The following RNF150 variants were observed in gnomAD, a reference collection of about 807,000 sequenced individuals.
RNF150 encodes ring finger protein 150.
A neutral mutation model predicts 39.3 loss-of-function variants in RNF150; 24 were observed. That is an observed-to-expected ratio of 0.61 (90% CI 0.44 to 0.86). RNF150 has a LOEUF of 0.86. Ranked by LOEUF, RNF150 falls within the 40% of genes least tolerant of loss-of-function variation. RNF150 has a pLI of 0.00. For missense variants in RNF150, 502 were observed against 587.8 expected, an observed-to-expected ratio of 0.85 and a Z score of 1.51; for synonymous variants, 255 against 227.3, an observed-to-expected ratio of 1.12 and a Z score of -1.10.
intron 1 of RNF150, among the ~76,000 whole-genome samples, chr4:141,006,173 T>C (rs1211428115): frequency 6.6e-6 from 1 of 151,806 alleles, no homozygotes; most frequent in Non-Finnish European, 1.5e-5. Context: ...TTTTAAAAGC[T>C]AGAATGAAGA....
At chr4:141,048,021 T>C (rs915437692) in intron 1 of RNF150, among the ~76,000 whole-genome samples, 6 of 152,072 alleles carry the variant, frequency 3.9e-5, no homozygotes, top group African/African-American at 1.4e-4. Context: ...TACCATGGCA[T>C]TATGGAGAGA....
intron 4 of RNF150, among the ~76,000 whole-genome samples, chr4:140,937,810 T>A (rs1731916073): frequency 6.6e-6 from 1 of 152,120 alleles, no homozygotes; most frequent in Non-Finnish European, 1.5e-5. Context: ...AGTGAAACCT[T>A]GAAAGTTATT....
At chr4:140,976,267 C>A (rs1733661305) in intron 1 of RNF150, among the ~76,000 whole-genome samples, 1 of 152,050 alleles carries the variant, frequency 6.6e-6, no homozygotes, top group African/African-American at 2.4e-5. Flanking sequence ...CTTCAAAAGC[C>A]ACTCATCTTT....
rs1446662052 is a variant in RNF150, at chr4:140,911,234, C to T, written c.1108G>A (p.Asp370Asn). Residue 370 changes from aspartate to asparagine, a missense_variant, in exon 6 of 7, where the codon GAC becomes AAC. Transcript: ENST00000515673. ...TTVNESSVTLDPAVRTVGALQ... is the reference protein window; with the variant it reads ...TTVNESSVTLNPAVRTVGALQ... ...GCTCCCACAGTCCGGACAGCAGGGT[C>T]CAAAGTGACTGAACTTTCATTCACT... 6.2e-7 allele frequency: 1 copy of T among 1,613,994 alleles called. No homozygotes were observed. The highest frequency in any genetic ancestry group is 2.2e-5 in the East Asian group (1 of 44,878).
chr4:141,158,303 A>G (rs1727449915), intron 1 of RNF150, among the ~76,000 whole-genome samples: 1 of 152,146 alleles, frequency 6.6e-6, no homozygotes, highest in Admixed American at 6.5e-5. Flanking sequence ...AACAAAAACA[A>G]AAACAAAAAC....
At chr4:141,096,045 T>A (rs907536136) in intron 1 of RNF150, among the ~76,000 whole-genome samples, 1 of 152,104 alleles carries the variant, frequency 6.6e-6, no homozygotes, top group African/African-American at 2.4e-5. Context: ...TGATGGGAAA[T>A]GAGTAGTTAC....
rs1161849504 is a variant in RNF150, at chr4:140,862,980, G to A, written c.*5281C>T. The A allele has an allele frequency of 6.6e-6, 1 of 151,892 alleles. No individual in the cohort carries two copies. Among genetic ancestry groups the A allele is most frequent in the Non-Finnish European group, 1.5e-5 (1 of 67,990 alleles). The allele number at this position is 151,892 out of a possible 1,614,324, so 9.4% of individuals were successfully genotyped here. ...GCCAACATCAAACGTATTCATCCAT[G>A]CAATGGCATGGATGAAGGACCTCGG... On this transcript the variant is annotated 3_prime_UTR_variant, in exon 7 of 7. Transcript: ENST00000515673.
chr4:141,073,378 TC>T (rs1408200522), intron 1 of RNF150, among the ~76,000 whole-genome samples: 1 of 152,108 alleles, frequency 6.6e-6, no homozygotes, highest in Non-Finnish European at 1.5e-5. Context: ...ACAGGCCTCA[TC>T]CCCAGAGTAA....
intron 1 of RNF150, among the ~76,000 whole-genome samples, chr4:141,066,867 T>C (rs901866462): frequency 2.6e-5 from 4 of 152,188 alleles, no homozygotes; most frequent in African/African-American, 9.6e-5. Context: ...GTTGACTTTG[T>C]TGTTGTGCAA....
intron 1 of RNF150, among the ~76,000 whole-genome samples, chr4:141,071,370 C>T (rs1737696706): frequency 6.6e-6 from 1 of 150,576 alleles, no homozygotes; most frequent in Non-Finnish European, 1.5e-5. Context: ...TACCCTAAAA[C>T]TTAAAGTATA....
chr4:141,145,784 G>A (rs1727190973), intron 1 of RNF150, among the ~76,000 whole-genome samples: 1 of 152,266 alleles, frequency 6.6e-6, no homozygotes, highest in African/African-American at 2.4e-5. Flanking sequence ...ATGGGTCAGG[G>A]CCTACTTGGA....
intron 1 of RNF150, among the ~76,000 whole-genome samples, chr4:140,999,464 T>C (rs903068218): frequency 2.0e-5 from 3 of 152,242 alleles, no homozygotes; most frequent in South Asian, 2.1e-4. Flanking sequence ...GTTTACATGA[T>C]GTAGCAACAT....
chr4:140,975,889 G>T (rs371331661), intron 1 of RNF150, among the ~76,000 whole-genome samples: 1 of 152,008 alleles, frequency 6.6e-6, no homozygotes, highest in Non-Finnish European at 1.5e-5. Flanking sequence ...CTGAAGTTCC[G>T]GCCTTCTATG....
chr4:140,880,766 T>C (rs1035700405), intron 6 of RNF150, among the ~76,000 whole-genome samples: 4 of 152,118 alleles, frequency 2.6e-5, no homozygotes, highest in African/African-American at 7.2e-5. Flanking sequence ...TCATAACAGA[T>C]TGCATTTGTC....
chr4:140,912,763 T>C (rs1263050880), intron 5 of RNF150, among the ~76,000 whole-genome samples: 1 of 152,190 alleles, frequency 6.6e-6, no homozygotes, highest in Non-Finnish European at 1.5e-5. Flanking sequence ...ATATTGGAAG[T>C]GAGCCAATTC....
chr4:141,095,831 G>C (rs893861560), intron 1 of RNF150, among the ~76,000 whole-genome samples: 2 of 152,208 alleles, frequency 1.3e-5, no homozygotes, highest in Non-Finnish European at 2.9e-5. Context: ...GAATCCAGGG[G>C]TTGCTAATGT....
chr4:141,012,115 A>G (rs1476329872), intron 1 of RNF150, among the ~76,000 whole-genome samples: 7 of 152,238 alleles, frequency 4.6e-5, no homozygotes. Flanking sequence ...TGAAATAAAG[A>G]ATCTTTTCTT....
intron 6 of RNF150, among the ~76,000 whole-genome samples, chr4:140,896,777 T>C (rs890434754): frequency 1.3e-5 from 2 of 151,508 alleles, no homozygotes; most frequent in African/African-American, 2.4e-5. Flanking sequence ...CTTTTTCTAG[T>C]AGATGATTCT....
At chr4:141,008,581 T>C (rs1734954468) in intron 1 of RNF150, among the ~76,000 whole-genome samples, 1 of 152,232 alleles carries the variant, frequency 6.6e-6, no homozygotes, top group African/African-American at 2.4e-5. Flanking sequence ...TAGTTTTTTA[T>C]ATGGCATGGG....
Sources: gnomAD v4.1 joint callset for allele counts (sites outside exome capture counted in the v4.1 genomes callset) on GRCh38, gnomAD v4.1.1 for gene constraint, MANE v1.5 for transcripts, NCBI Gene and HGNC (gene_info 2026-07-23, HGNC 2026-07-21) for gene names.